SPTB: variants seen among roughly 807,000 people sequenced by gnomAD.
SPTB encodes spectrin beta chain, erythrocytic.
In SPTB, 45 loss-of-function variants were observed where a neutral mutation model predicts 256.2. The ratio of observed to expected loss-of-function variants is 0.18; its 90% CI spans 0.14 to 0.23. The LOEUF (loss-of-function observed/expected upper bound fraction) is 0.23. SPTB is among the 10% of genes least tolerant of loss of function. The pLI is 1.00. For missense variants in SPTB, 2,715 were observed against 3,040.4 expected, an observed-to-expected ratio of 0.89 and a Z score of 2.52; for synonymous variants, 1,231 against 1,243.1, an observed-to-expected ratio of 0.99 and a Z score of 0.21.
chr14:64,842,263 G>A (rs1304053234), intron 1 of SPTB, among the ~76,000 whole-genome samples: 4 of 152,210 alleles, frequency 2.6e-5, no homozygotes, highest in Admixed American at 6.5e-5. Context: ...GCCACATCTC[G>A]TTTCCTAGTA....
At chr14:64,781,325 T>C (rs1435258534) in intron 20 of SPTB, among the ~76,000 whole-genome samples, 5 of 152,212 alleles carry the variant, frequency 3.3e-5, no homozygotes, top group Non-Finnish European at 7.3e-5. Flanking sequence ...ACTATGAATC[T>C]GACAAGGGTC....
chr14:64,804,919 G>A lies in SPTB; in HGVS notation c.300+20C>T. 1 of 1,613,646 alleles carries A rather than the reference G, an allele frequency of 6.2e-7. No homozygotes were observed. The highest frequency in any genetic ancestry group is 1.3e-5 in the African/African-American group (1 of 75,028). On this transcript the variant is annotated intron_variant, in intron 3 of 35. Coordinates refer to ENST00000644917, the MANE Select transcript of SPTB (RefSeq NM_001355436.2). ...AGGGGCCGATGGCAGCAGCCCCGGG[G>A]CCCACAGAAGGGACTTTACCAGCAT...
rs543260492 is a variant in SPTB at position 64,854,026 on chromosome 14, T to C, written c.-52+25766A>G. Among the ~76,000 whole-genome samples, 9 of 152,062 alleles carry C rather than the reference T, an allele frequency of 5.9e-5. No individual in the cohort carries two copies. The East Asian group carries it at 1.6e-3, about 27-fold the overall frequency. Reference sequence around the variant, plus strand: ...GGCCAAAATGGCAAAACCCCGGCTCTATTAAAAATACAAAAATTAGCTGGG... The same window carrying C: ...GGCCAAAATGGCAAAACCCCGGCTCCATTAAAAATACAAAAATTAGCTGGG... On this transcript the variant is annotated intron_variant, in intron 1 of 35. Coordinates refer to ENST00000644917, the MANE Select transcript of SPTB (RefSeq NM_001355436.2).
In SPTB at chr14:64,807,796, C is replaced by T. The variant is rs1283414647; in HGVS notation, c.149-2706G>A. Among the ~76,000 whole-genome samples, 1 of 152,204 alleles carries T rather than the reference C, an allele frequency of 6.6e-6. No individual in the cohort carries two copies. Among genetic ancestry groups the T allele is most frequent in the African/African-American group, 2.4e-5 (1 of 41,466 alleles). ...AGGCTGGGAACCCTGGTAGTGTGGACAGGAAGAGAGGTGGCTGTACACTGG... is the reference window on the plus strand; with the variant it reads ...AGGCTGGGAACCCTGGTAGTGTGGATAGGAAGAGAGGTGGCTGTACACTGG... On this transcript the variant is annotated intron_variant, in intron 2 of 35. Transcript: ENST00000644917. The surrounding 1 kb of genome is among the most constrained non-coding windows in gnomAD (Gnocchi z 4.7).
At chr14:64,875,962 AC>A (rs1882804527) in intron 1 of SPTB, among the ~76,000 whole-genome samples, 2 of 152,162 alleles carry the variant, frequency 1.3e-5, no homozygotes, top group Non-Finnish European at 2.9e-5. Context: ...ATTTTAAATC[AC>A]TTTTTAATTA....
At chr14:64,783,256 T>TGTAG (rs1160744918) in intron 19 of SPTB, among the ~76,000 whole-genome samples, 1 of 151,968 alleles carries the variant, frequency 6.6e-6, no homozygotes, top group East Asian at 1.9e-4. Flanking sequence ...CAAGCTGGAA[T>TGTAG]GTAGTGGCAC....
intron 2 of SPTB, 72 bp downstream of exon 2, chr14:64,822,875 C>T (rs1258322681): frequency 6.3e-7 from 1 of 1,598,544 alleles, no homozygotes; most frequent in Non-Finnish European, 8.6e-7. Context: ...AGAGGATTCA[C>T]ACTAGGTGGG....
At chr14:64,756,396 C>T (rs11624670) in intron 32 of SPTB, 7,586 of 152,180 alleles carry the variant, frequency 0.05, 252 homozygotes, top group Non-Finnish European at 0.076. Context: ...AGTGAAACCC[C>T]GTCTCTACTA....
Position 64,749,526 on chromosome 14 carries a change from C to A in SPTB, c.6820-53G>T. ...CTGGAGGCCCACAGCCCCCCACCTC[C>A]CGGGCCAGGCAACAATGGTGGGGGC... On this transcript the variant is annotated intron_variant, in intron 35 of 35. Coordinates refer to ENST00000644917, the MANE Select transcript of SPTB (RefSeq NM_001355436.2). This position sits in a 1 kb window ranked among gnomAD's most constrained non-coding sequence, Gnocchi z 4.7. 3 of 1,598,470 alleles carry A rather than the reference C, an allele frequency of 1.9e-6. No homozygotes were observed. The highest frequency in any genetic ancestry group is 2.5e-6 in the Non-Finnish European group (3 of 1,177,556).
At chr14:64,780,158 A>G (rs2082441939) in intron 20 of SPTB, among the ~76,000 whole-genome samples, 1 of 152,170 alleles carries the variant, frequency 6.6e-6, no homozygotes, top group African/African-American at 2.4e-5. Flanking sequence ...AAGGGGTTGG[A>G]GATGGATTAG....
At position 64,873,857 on chromosome 14, in the gene SPTB, G is replaced by A. The variant is rs573727210; in HGVS notation, c.-52+5935C>T. On this transcript the variant is annotated intron_variant, in intron 1 of 35. Transcript: ENST00000644917. This position sits in a 1 kb window ranked among gnomAD's most constrained non-coding sequence, Gnocchi z 4.3. ...ACATTTCTAATCCTGTTTTGTAACT[G>A]GAAACCAGGAATAATCAGATCTTCC... Among the ~76,000 whole-genome samples, 1 of 152,086 alleles carries A rather than the reference G, an allele frequency of 6.6e-6. No individual in the cohort carries two copies. The highest frequency in any genetic ancestry group is 6.5e-5 in the Admixed American group (1 of 15,276).
chr14:64,767,189 C>T, intron 31 of SPTB, 114 bp downstream of exon 31: 6 of 1,358,602 alleles, frequency 4.4e-6, no homozygotes, highest in Non-Finnish European at 6.3e-6. Context: ...GACGAGGGTG[C>T]CCAGTGTGAG....
rs981067771 is a variant in SPTB, at chr14:64,785,166, G to T, written c.3855+371C>A. On this transcript the variant is annotated intron_variant, in intron 18 of 35. Transcript: ENST00000644917. The surrounding 1 kb of genome is among the most constrained non-coding windows in gnomAD (Gnocchi z 4.4). ...CAAAAGCATGAAGAATTTCAAGATG[G>T]CAAGAGTAGAGCATTAACCTGAGCC... Among the ~76,000 whole-genome samples, 4 of 152,160 alleles carry T rather than the reference G, an allele frequency of 2.6e-5. No individual in the cohort carries two copies. Among genetic ancestry groups the T allele is most frequent in the Non-Finnish European group, 5.9e-5 (4 of 68,016 alleles).
In SPTB at chr14:64,758,105, T is replaced by C. The variant is rs1022439196; in HGVS notation, c.6346-4312A>G. 3.9e-5 allele frequency among the ~76,000 whole-genome samples: 6 copies of C among 152,198 alleles called. No homozygotes were observed. The highest frequency in any genetic ancestry group is 7.4e-5 in the Non-Finnish European group (5 of 68,026). Reference sequence around the variant, plus strand: ...TTTGCAGCCTTTTAAAGTGAGATCATGTCTGTAAATGTTGGCTTTCTTATG... The same window carrying C: ...TTTGCAGCCTTTTAAAGTGAGATCACGTCTGTAAATGTTGGCTTTCTTATG... On this transcript the variant is annotated intron_variant, in intron 32 of 35. Coordinates refer to ENST00000644917, the MANE Select transcript of SPTB (RefSeq NM_001355436.2). This position sits in a 1 kb window ranked among gnomAD's most constrained non-coding sequence, Gnocchi z 4.6.
intron 26 of SPTB, among the ~76,000 whole-genome samples, chr14:64,771,590 G>A (rs896783738): frequency 3.3e-5 from 5 of 152,144 alleles, no homozygotes; most frequent in African/African-American, 7.2e-5. Flanking sequence ...GATTTGCACC[G>A]TGCTCCTGAG....
intron 32 of SPTB, chr14:64,755,750 A>T (rs2082009264): frequency 6.6e-6 from 1 of 151,612 alleles, no homozygotes; most frequent in African/African-American, 2.4e-5. Flanking sequence ...GCAGGAAGGA[A>T]CACCCCAAGA....
At chr14:64,757,166 T>A (rs1244088911) in intron 32 of SPTB, 3 of 152,258 alleles carry the variant, frequency 2.0e-5, no homozygotes, top group Non-Finnish European at 4.4e-5. Context: ...ATGGCAGATA[T>A]AGGGAGGGAA....
At position 64,771,099 on chromosome 14, in the gene SPTB, G is replaced by T; in HGVS notation, c.5584C>A (p.Leu1862Met). 1.9e-6 allele frequency: 3 copies of T among 1,614,052 alleles called. No individual in the cohort carries two copies. The highest frequency in any genetic ancestry group is 2.5e-6 in the Non-Finnish European group (3 of 1,180,048). ...TTCTCCCCAGCATATGCTGTCTGCAGACGGGTGGCCACGTCCTGGAACTGC... is the reference window on the plus strand; with the variant it reads ...TTCTCCCCAGCATATGCTGTCTGCATACGGGTGGCCACGTCCTGGAACTGC... ...VQQFQDVATR[L>M]QTAYAGEKAE... The change falls in exon 27 of 36, where the codon CTG becomes ATG. Residue 1862 changes from leucine (L) to methionine (M), a missense_variant. Around this residue, in one of 4 missense-constraint regions of SPTB, gnomAD observed 2,239 missense variants for 2,384.4 expected, o/e 0.94. Transcript: ENST00000644917.
rs572868781 is a variant in SPTB at position 64,772,437 on chromosome 14, C to T, written c.5553+143G>A. The T allele has an allele frequency of 8.6e-7, 1 of 1,159,104 alleles. No individual in the cohort carries two copies. The highest frequency in any genetic ancestry group is 1.5e-5 in the African/African-American group (1 of 64,708). The allele number at this position is 1,159,104 out of a possible 1,614,324, so 71.8% of individuals were successfully genotyped here. ...AAGGAACATCTGAAAGCCACTGCTC[C>T]CAGCCCTGAGCTCCTGGCTGTCTAA... On this transcript the variant is annotated intron_variant, in intron 26 of 35. Transcript: ENST00000644917. This position sits in a 1 kb window ranked among gnomAD's most constrained non-coding sequence, Gnocchi z 5.4.
Sources: allele counts gnomAD v4.1 joint callset (sites outside exome capture counted in the v4.1 genomes callset), GRCh38; gene constraint gnomAD v4.1.1; regional missense constraint gnomAD v4.1.1; non-coding constraint Gnocchi (gnomAD v3.1); transcripts MANE v1.5; gene names NCBI Gene and HGNC (gene_info 2026-07-23, HGNC 2026-07-21).